Variants in PRDM16 observed in about 807,000 individuals in gnomAD.
PRDM16 encodes the protein PR/SET domain 16.
In PRDM16, 23 loss-of-function variants were observed where a neutral mutation model predicts 110.6. That is an observed-to-expected ratio of 0.21 (90% CI 0.15 to 0.29). The LOEUF is 0.29. Among genes scored for constraint, PRDM16 ranks in the 10% least tolerant of loss-of-function variants. The pLI is 1.00. For missense variants in PRDM16, 1,615 were observed against 1,794.3 expected (o/e 0.90, Z 1.81); for synonymous variants, 799 against 781.8 (o/e 1.02, Z -0.37).
intron 1 of PRDM16, among the ~76,000 whole-genome samples, chr1:3,170,551 G>GC (rs962282456): frequency 6.6e-6 from 1 of 152,292 alleles, no homozygotes; most frequent in East Asian, 1.9e-4. Flanking sequence ...CATCTGGGTG[G>GC]CCCCCAGACC....
At chr1:3,166,222 G>C (rs1287719569) in intron 1 of PRDM16, among the ~76,000 whole-genome samples, 3 of 152,252 alleles carry the variant, frequency 2.0e-5, no homozygotes, top group African/African-American at 7.2e-5. Flanking sequence ...AAATCAAATG[G>C]ATGCAAGCAA....
At chr1:3,250,108 G>A (rs1192971168) in intron 3 of PRDM16, among the ~76,000 whole-genome samples, 7 of 151,884 alleles carry the variant, frequency 4.6e-5, no homozygotes, top group South Asian at 2.1e-4. Context: ...CGCTTCCTCC[G>A]TCTTCTCTCC....
At chr1:3,421,465 C>A (rs1638428670) in intron 12 of PRDM16, among the ~76,000 whole-genome samples, 1 of 152,228 alleles carries the variant, frequency 6.6e-6, no homozygotes, top group South Asian at 2.1e-4. Flanking sequence ...ATTTCACTGG[C>A]CGCTTGTCAG....
chr1:3,400,278 C>T (rs576567158), intron 5 of PRDM16, among the ~76,000 whole-genome samples: 1 of 152,316 alleles, frequency 6.6e-6, no homozygotes, highest in South Asian at 2.1e-4. Flanking sequence ...GCTTGCAGGT[C>T]GATGCGGGGC....
At chr1:3,405,014 C>A in intron 7 of PRDM16, 128 bp downstream of exon 7, 3 of 989,720 alleles carry the variant, frequency 3.0e-6, no homozygotes, top group Non-Finnish European at 4.4e-6. Context: ...GTAGGAGGCC[C>A]CTGCGGTGGC....
At chr1:3,173,365 G>A (rs1299404461) in intron 1 of PRDM16, among the ~76,000 whole-genome samples, 2 of 152,234 alleles carry the variant, frequency 1.3e-5, no homozygotes, top group Non-Finnish European at 2.9e-5. Flanking sequence ...TGGAGGCGGC[G>A]AGGAAATACA....
chr1:3,166,342 C>T (rs1258607866), intron 1 of PRDM16, among the ~76,000 whole-genome samples: 1 of 152,250 alleles, frequency 6.6e-6, no homozygotes, highest in Non-Finnish European at 1.5e-5. Flanking sequence ...CCAGGTGCCA[C>T]AGGCCAGGCG....
At chr1:3,345,907 C>A (rs926459064) in intron 3 of PRDM16, among the ~76,000 whole-genome samples, 9 of 152,262 alleles carry the variant, frequency 5.9e-5, no homozygotes, top group African/African-American at 1.2e-4. Flanking sequence ...ACAGTCCCCC[C>A]ACCCTGGGCT....
chr1:3,425,543 C>G lies in PRDM16; in HGVS notation c.2940-38C>G. ...CTGTGGCCCGGCCTGCCATGCAGAG[C>G]CGGGGCCTGCACTGAGGAGCGCGTG... On this transcript the variant is annotated intron_variant, in intron 12 of 16. Coordinates refer to ENST00000270722, the MANE Select transcript of PRDM16 (RefSeq NM_022114.4). The surrounding 1 kb of genome is among the most constrained non-coding windows in gnomAD (Gnocchi z 6.9). 1.2e-6 allele frequency: 2 copies of G among 1,600,438 alleles called. No individual in the cohort carries two copies. Among genetic ancestry groups the G allele is most frequent in the Non-Finnish European group, 1.7e-6 (2 of 1,171,862 alleles).
At chr1:3,371,224 CCCATCCAT>C (rs1557638259) in intron 3 of PRDM16, among the ~76,000 whole-genome samples, 1 of 131,698 alleles carries the variant, frequency 7.6e-6, no homozygotes, top group Non-Finnish European at 1.6e-5. Context: ...CACCCATCCA[CCCATCCAT>C]CCATCCATTC....
chr1:3,260,866 A>C (rs978203828), intron 3 of PRDM16, among the ~76,000 whole-genome samples: 3 of 148,466 alleles, frequency 2.0e-5, no homozygotes, highest in Admixed American at 2.0e-4. Context: ...AGACACAGTC[A>C]TTACATGGGA....
At chr1:3,326,508 C>T (rs1641912807) in intron 3 of PRDM16, among the ~76,000 whole-genome samples, 1 of 152,152 alleles carries the variant, frequency 6.6e-6, no homozygotes, top group African/African-American at 2.4e-5. Flanking sequence ...TTGGTGGGAG[C>T]TGACCCTGGA....
In PRDM16 at chr1:3,425,416, T is replaced by A; in HGVS notation, c.2940-165T>A. 1.5e-6 allele frequency: 1 copy of A among 666,740 alleles called. No individual in the cohort carries two copies. 41.3% of individuals were successfully genotyped at this position (666,740 alleles called of 1,614,324 possible). On this transcript the variant is annotated intron_variant, in intron 12 of 16. Transcript: ENST00000270722. This position sits in a 1 kb window ranked among gnomAD's most constrained non-coding sequence, Gnocchi z 6.9. ...CTAGGGACAGCTTCCCCAGGATGCCTTTGGCTCTGCAGCTGGGAGATCCAG... is the reference window on the plus strand; with the variant it reads ...CTAGGGACAGCTTCCCCAGGATGCCATTGGCTCTGCAGCTGGGAGATCCAG...
At chr1:3,221,491 G>A (rs1044630355) in intron 2 of PRDM16, among the ~76,000 whole-genome samples, 7 of 152,246 alleles carry the variant, frequency 4.6e-5, no homozygotes, top group African/African-American at 1.4e-4. Flanking sequence ...GGCCTGCACC[G>A]ACTCTCTAAG....
At chr1:3,250,115 C>T (rs771023845) in intron 3 of PRDM16, among the ~76,000 whole-genome samples, 4 of 150,460 alleles carry the variant, frequency 2.7e-5, no homozygotes, top group Non-Finnish European at 5.9e-5. Context: ...TCCGTCTTCT[C>T]TCCCCCCTCC....
At position 3,181,102 on chromosome 1, in the gene PRDM16, T is replaced by C. The variant is rs1454809664; in HGVS notation, c.38-5023T>C. Among the ~76,000 whole-genome samples the C allele has an allele frequency of 6.0e-3, 136 of 22,530 alleles. 1 individual carries two copies. The highest frequency in any genetic ancestry group is 0.029 in the Middle Eastern group (1 of 34). The allele number at this position is 22,530 out of a possible 152,430, so 14.8% of individuals were successfully genotyped here. A position where few individuals can be genotyped will look rare whatever the true frequency, so the allele number is the denominator to read the frequency against. On this transcript the variant is annotated intron_variant, in intron 1 of 16. Coordinates refer to ENST00000270722, the MANE Select transcript of PRDM16 (RefSeq NM_022114.4). ...CTTACACACGGCCTTACACACGCAG[T>C]CTTACACGCGGCCTTACACACGCAG...
At chr1:3,197,116 T>C (rs10909895) in intron 2 of PRDM16, among the ~76,000 whole-genome samples, 48,196 of 152,048 alleles carry the variant, frequency 0.32, 9,861 homozygotes, top group African/African-American at 0.58. Flanking sequence ...ATGGCTAAGA[T>C]AGGAGGGGCC....
chr1:3,408,339 CA>C (rs1388282160), intron 8 of PRDM16, among the ~76,000 whole-genome samples: 2 of 152,084 alleles, frequency 1.3e-5, no homozygotes, highest in African/African-American at 4.8e-5. Flanking sequence ...CGTGTGTGTG[CA>C]TGGGTGTAAG....
chr1:3,189,967 T>C (rs537395154), intron 2 of PRDM16, among the ~76,000 whole-genome samples: 2 of 152,378 alleles, frequency 1.3e-5, no homozygotes, highest in East Asian at 3.9e-4. Flanking sequence ...TGAAATAAAA[T>C]GAGAAGGTCC....
Sources: gnomAD v4.1 joint callset for allele counts (sites outside exome capture counted in the v4.1 genomes callset) on GRCh38, gnomAD v4.1.1 for gene constraint, Gnocchi (gnomAD v3.1) non-coding constraint, MANE v1.5 for transcripts, NCBI Gene and HGNC (gene_info 2026-07-23, HGNC 2026-07-21) for gene names.